The following FAHD2B variants were observed in gnomAD, a reference collection of about 807,000 sequenced individuals.
The protein encoded by FAHD2B is oxaloacetate tautomerase FAHD2B, mitochondrial.
Under a neutral mutation model 33.7 loss-of-function variants are expected in FAHD2B, and 26 were observed. The observed-to-expected ratio is 0.77, with a 90% CI of 0.57 to 1.07. The LOEUF (loss-of-function observed/expected upper bound fraction) is 1.07. Ranked by LOEUF, FAHD2B falls within the 50% of genes least tolerant of loss-of-function variation. FAHD2B has a pLI of 0.00. For missense variants in FAHD2B, 272 were observed against 388.1 expected (o/e 0.70, Z 2.51); for synonymous variants, 108 against 150.9 (o/e 0.72, Z 2.08).
At chr2:97,085,934 T>C in intron 5 of FAHD2B, 73 bp from the exon 6 acceptor site, 1 of 1,596,770 alleles carries the variant, frequency 6.3e-7, no homozygotes. Flanking sequence ...GCAAGGGATC[T>C]CAAAGCTGTT....
downstream of FAHD2B, chr2:97,082,477 C>T (rs1390565529): frequency 1.2e-6 from 2 of 1,612,836 alleles, no homozygotes. Flanking sequence ...GAGTCTCAAC[C>T]AGTCAGCCCA....
intron 6 of FAHD2B, among the ~76,000 whole-genome samples, chr2:97,084,774 G>A (rs1200971536): frequency 3.3e-5 from 5 of 151,882 alleles, no homozygotes; most frequent in African/African-American, 4.8e-5. Context: ...TTAGTCAGGC[G>A]TGGTGGTGCG....
At chr2:97,082,712 A>T (rs993834475), downstream of FAHD2B, 186 of 1,589,516 alleles carry the variant, frequency 1.2e-4, no homozygotes, top group Non-Finnish European at 1.6e-4. Flanking sequence ...GAGTGTGCGG[A>T]CCCAAAGCTT....
downstream of FAHD2B, chr2:97,082,366 G>A: frequency 2.5e-6 from 4 of 1,612,578 alleles, no homozygotes; most frequent in Non-Finnish European, 3.4e-6. Flanking sequence ...TGTCTGTGCT[G>A]GGTGCCAGGT....
At chr2:97,081,716 C>G (rs953670442), downstream of FAHD2B, among the ~76,000 whole-genome samples, 25 of 148,702 alleles carry the variant, frequency 1.7e-4, no homozygotes, top group Non-Finnish European at 3.2e-4. Context: ...TGCCCCGGTT[C>G]TGTGTGTGTC....
intron 1 of FAHD2B, among the ~76,000 whole-genome samples, chr2:97,092,323 C>T (rs1438599901): frequency 1.3e-5 from 2 of 152,120 alleles, no homozygotes; most frequent in African/African-American, 4.8e-5. Flanking sequence ...AGAACCTCTA[C>T]CAGGCTGTCC....
chr2:97,083,743 G>A lies in FAHD2B; in HGVS notation c.*12C>T, dbSNP rs765278486. The A allele has an allele frequency of 2.5e-6, 4 of 1,614,112 alleles. No homozygotes were observed. In the South Asian group the frequency reaches 4.4e-5, roughly 18 times the overall value. ...GATGCCCTCATCCTATGTCGGGCCT[G>A]TGCAGGAGCCATCACACCACCTTGT... On this transcript the variant is annotated 3_prime_UTR_variant, in exon 9 of 9. Transcript: ENST00000414820.
intron 6 of FAHD2B, 75 bp downstream of exon 6, chr2:97,085,624 G>A: frequency 6.3e-7 from 1 of 1,585,044 alleles, no homozygotes; most frequent in South Asian, 1.2e-5. Context: ...ACATGTACCT[G>A]AACCCATGCT....
At chr2:97,080,223 G>A (rs1367623343), downstream of FAHD2B, among the ~76,000 whole-genome samples, 1 of 151,970 alleles carries the variant, frequency 6.6e-6, no homozygotes, top group African/African-American at 2.4e-5. Flanking sequence ...TTATAGTTTG[G>A]GGTTTTACAT....
At chr2:97,087,971 T>A (rs1385481444) in intron 4 of FAHD2B, among the ~76,000 whole-genome samples, 1 of 151,954 alleles carries the variant, frequency 6.6e-6, no homozygotes, top group Non-Finnish European at 1.5e-5. Context: ...TCTTTGTAGA[T>A]CTCTTGATAA....
At position 97,091,348 on chromosome 2, in the gene FAHD2B, G is replaced by A. The variant is rs1394995429; in HGVS notation, c.245+114C>T. The A allele has an allele frequency of 5.5e-5, 59 of 1,068,046 alleles. No individual in the cohort carries two copies. The African/African-American group carries it at 7.0e-4, about 13-fold the overall frequency. 66.2% of individuals were successfully genotyped at this position (1,068,046 alleles called of 1,614,324 possible). Reference sequence around the variant, plus strand: ...AAGAGAACGGGAGAAAAGGAAAGGTGGGGTTACTCTGCTCCCTTGCAAAAG... The same window carrying A: ...AAGAGAACGGGAGAAAAGGAAAGGTAGGGTTACTCTGCTCCCTTGCAAAAG... On this transcript the variant is annotated intron_variant, in intron 3 of 8. Coordinates refer to ENST00000414820, the MANE Select transcript of FAHD2B (RefSeq NM_001320848.2).
downstream of FAHD2B, chr2:97,082,299 G>A: frequency 6.9e-6 from 11 of 1,585,242 alleles, no homozygotes; most frequent in South Asian, 1.1e-4. Context: ...CTCCGCCAGG[G>A]CCAGCTGCCC....
At chr2:97,082,611 C>G, downstream of FAHD2B, 1 of 1,562,998 alleles carries the variant, frequency 6.4e-7, no homozygotes, top group Non-Finnish European at 8.8e-7. Flanking sequence ...TTCTATCCCT[C>G]CCGGGGCTTC....
rs1422485071 is a variant in FAHD2B at position 97,094,854 on chromosome 2, C to T, written c.-286G>A. ...GGCGAAGTCACTGCCGCTCGGTGCG[C>T]ACTCCAGCGAGAAGCGGGCGCGTCC... is the stretch of plus-strand genomic sequence containing the variant. On this transcript the variant is annotated 5_prime_UTR_variant, in exon 1 of 9. Coordinates refer to ENST00000414820, the MANE Select transcript of FAHD2B (RefSeq NM_001320848.2). 7.5e-6 allele frequency: 1 copy of T among 132,672 alleles called. No homozygotes were observed. The highest frequency in any genetic ancestry group is 1.6e-5 in the Non-Finnish European group (1 of 62,768). The allele number at this position is 132,672 out of a possible 1,614,324, so 8.2% of individuals were successfully genotyped here. A position where few individuals can be genotyped will look rare whatever the true frequency, so the allele number is the denominator to read the frequency against.
chr2:97,089,872 T>G (rs2032228006), intron 4 of FAHD2B: 1 of 608,014 alleles, frequency 1.6e-6, no homozygotes, highest in Non-Finnish European at 2.9e-6. Context: ...GTGACGTAAT[T>G]TTTAAATGTT....
chr2:97,089,242 C>T (rs533684265), intron 4 of FAHD2B, among the ~76,000 whole-genome samples: 5 of 151,958 alleles, frequency 3.3e-5, no homozygotes, highest in South Asian at 2.1e-4. Context: ...ATAATAAGGC[C>T]GGGTGTGGTG....
chr2:97,085,998 T>A, intron 5 of FAHD2B, 137 bp from the exon 6 acceptor site: 1 of 1,344,328 alleles, frequency 7.4e-7, no homozygotes, highest in Non-Finnish European at 1.0e-6. Flanking sequence ...AAAGGCAGTG[T>A]CAGGGAGCAA....
rs2031749707 is a variant in FAHD2B at position 97,083,644 on chromosome 2, G to A, written c.*111C>T. The A allele has an allele frequency of 6.4e-7, 1 of 1,550,908 alleles. No individual in the cohort carries two copies. The highest frequency in any genetic ancestry group is 8.8e-7 in the Non-Finnish European group (1 of 1,132,686). The stretch of plus-strand genomic sequence containing the variant: ...CTGTCCTTCTCCCTTCTACCGAGAA[G>A]AGGCGGCTTGCAGGGCTGGCACCTG... On this transcript the variant is annotated 3_prime_UTR_variant, in exon 9 of 9. Coordinates refer to ENST00000414820, the MANE Select transcript of FAHD2B (RefSeq NM_001320848.2).
At chr2:97,088,944 G>A (rs1025675521) in intron 4 of FAHD2B, among the ~76,000 whole-genome samples, 1 of 152,082 alleles carries the variant, frequency 6.6e-6, no homozygotes, top group African/African-American at 2.4e-5. Flanking sequence ...GGCAGGGAGA[G>A]GGCAAGGGAG....
Sources: allele counts gnomAD v4.1 joint callset (sites outside exome capture counted in the v4.1 genomes callset), GRCh38; gene constraint gnomAD v4.1.1; transcripts MANE v1.5; gene names NCBI Gene and HGNC (gene_info 2026-07-23, HGNC 2026-07-21).